Variants in AP3B1 observed in about 807,000 individuals in gnomAD.
AP3B1 encodes the protein AP-3 complex subunit beta-1.
Under a neutral mutation model 132.5 loss-of-function variants are expected in AP3B1, and 61 were observed. That is an observed-to-expected ratio of 0.46 (90% CI 0.37 to 0.57). The LOEUF is 0.57. Among genes scored for constraint, AP3B1 ranks in the 20% least tolerant of loss-of-function variants. The pLI is 0.00. For missense variants in AP3B1, 1,120 were observed against 1,289.4 expected (o/e 0.87, Z 2.01); for synonymous variants, 388 against 438.3 (o/e 0.89, Z 1.43).
chr5:78,100,848 A>G lies in AP3B1; in HGVS notation c.2470+105T>C. ...TGCCTTATTCATCTATAAGTCTTTCACAATAAATATTGATATATTTTGGGA... is the reference window on the plus strand; with the variant it reads ...TGCCTTATTCATCTATAAGTCTTTCGCAATAAATATTGATATATTTTGGGA... On this transcript the variant is annotated intron_variant, in intron 21 of 26. Coordinates refer to ENST00000255194, the MANE Select transcript of AP3B1 (RefSeq NM_003664.5). 5.8e-6 allele frequency: 4 copies of G among 688,386 alleles called. No homozygotes were observed. The South Asian group carries it at 6.2e-5, about 11-fold the overall frequency. The allele number at this position is 688,386 out of a possible 1,614,324, so 42.6% of individuals were successfully genotyped here.
At chr5:78,029,940 T>A (rs937604733) in intron 24 of AP3B1, among the ~76,000 whole-genome samples, 4 of 152,358 alleles carry the variant, frequency 2.6e-5, no homozygotes, top group Admixed American at 1.3e-4. Flanking sequence ...CGATCAATTC[T>A]CTTCTCAGAC....
chr5:78,105,764 A>C (rs1751307031), intron 20 of AP3B1, among the ~76,000 whole-genome samples: 1 of 152,232 alleles, frequency 6.6e-6, no homozygotes, highest in African/African-American at 2.4e-5. Context: ...TAACTAAAAC[A>C]AGGAAATTTT....
intron 1 of AP3B1, among the ~76,000 whole-genome samples, chr5:78,286,885 C>G (rs114886940): frequency 0.015 from 2,296 of 152,274 alleles, 65 homozygotes; most frequent in African/African-American, 0.053. Flanking sequence ...CAACGTTATT[C>G]ATAATAATAT....
At chr5:78,216,592 T>G (rs1208632991) in intron 6 of AP3B1, among the ~76,000 whole-genome samples, 1 of 152,188 alleles carries the variant, frequency 6.6e-6, no homozygotes, top group African/African-American at 2.4e-5. Context: ...TTCAGTACTT[T>G]GTTCATAATA....
intron 2 of AP3B1, among the ~76,000 whole-genome samples, chr5:78,244,993 CA>C (rs570011047): frequency 2.1e-5 from 3 of 141,802 alleles, no homozygotes; most frequent in East Asian, 2.0e-4. Flanking sequence ...GACTCTGTCT[CA>C]AAAAAAAAAC....
At chr5:78,003,900 T>C (rs1746285243) in intron 26 of AP3B1, among the ~76,000 whole-genome samples, 1 of 152,192 alleles carries the variant, frequency 6.6e-6, no homozygotes, top group South Asian at 2.1e-4. Flanking sequence ...GCATGCACAG[T>C]TGAGCCTCAG....
At chr5:78,106,176 G>A (rs1751325054) in intron 20 of AP3B1, among the ~76,000 whole-genome samples, 1 of 152,202 alleles carries the variant, frequency 6.6e-6, no homozygotes, top group Admixed American at 6.5e-5. Context: ...TAGTGTGTGT[G>A]GCTGGGCACG....
At chr5:78,111,650 G>A (rs1751596106) in intron 19 of AP3B1, among the ~76,000 whole-genome samples, 1 of 152,124 alleles carries the variant, frequency 6.6e-6, no homozygotes, top group Non-Finnish European at 1.5e-5. Context: ...TAACATGTGA[G>A]ATGACCAAAC....
At chr5:78,113,698 G>C in intron 19 of AP3B1, 54 bp downstream of exon 19, 2 of 1,594,510 alleles carry the variant, frequency 1.3e-6, no homozygotes, top group Admixed American at 3.3e-5. Context: ...ATCTCTGCCT[G>C]GGGCAAACTT....
intron 7 of AP3B1, among the ~76,000 whole-genome samples, chr5:78,184,699 A>T: frequency 6.6e-6 from 1 of 151,928 alleles, no homozygotes; most frequent in East Asian, 1.9e-4. Flanking sequence ...AAAAAAAAAA[A>T]CAGAGTCTCA....
intron 24 of AP3B1, among the ~76,000 whole-genome samples, chr5:78,033,634 T>C (rs1299057404): frequency 1.3e-5 from 2 of 152,000 alleles, no homozygotes; most frequent in East Asian, 1.9e-4. Flanking sequence ...AAATAGCCAA[T>C]TGGGCCTTAT....
At chr5:78,041,983 G>A in intron 22 of AP3B1, 1 of 197,260 alleles carries the variant, frequency 5.1e-6, no homozygotes, top group Non-Finnish European at 1.1e-5. Context: ...AGTGGGCTTG[G>A]CTGTATATAC....
At chr5:78,118,568 G>C (rs1401612083) in intron 17 of AP3B1, among the ~76,000 whole-genome samples, 1 of 152,192 alleles carries the variant, frequency 6.6e-6, no homozygotes, top group Non-Finnish European at 1.5e-5. Context: ...ACGGAGTCTT[G>C]CTGATTGCTA....
intron 7 of AP3B1, among the ~76,000 whole-genome samples, chr5:78,189,176 G>A (rs939149526): frequency 2.0e-5 from 3 of 151,914 alleles, no homozygotes; most frequent in Non-Finnish European, 2.9e-5. Context: ...CATGGCACAC[G>A]TTTACCTATG....
At chr5:78,170,268 A>T (rs1481213601) in intron 11 of AP3B1, among the ~76,000 whole-genome samples, 3 of 152,214 alleles carry the variant, frequency 2.0e-5, no homozygotes, top group Admixed American at 2.0e-4. Context: ...TTGGGTATAT[A>T]CTCAGTAATG....
At chr5:78,087,999 C>T (rs1750338573) in intron 22 of AP3B1, among the ~76,000 whole-genome samples, 1 of 152,192 alleles carries the variant, frequency 6.6e-6, no homozygotes, top group Non-Finnish European at 1.5e-5. Context: ...AATTTGCCCA[C>T]AGTCACATAG....
At chr5:78,058,283 C>T (rs921873625) in intron 22 of AP3B1, among the ~76,000 whole-genome samples, 6 of 152,168 alleles carry the variant, frequency 3.9e-5, no homozygotes, top group East Asian at 1.9e-4. Flanking sequence ...GGGCAGATCG[C>T]GAGGTCAGCA....
chr5:78,030,796 T>TCTCCCACATC (rs1274923358), intron 24 of AP3B1, among the ~76,000 whole-genome samples: 1 of 152,058 alleles, frequency 6.6e-6, no homozygotes, highest in Non-Finnish European at 1.5e-5. Flanking sequence ...CCCACTTCAG[T>TCTCCCACATC]CTCCCAAGTG....
chr5:78,181,108 A>G (rs191466140), intron 8 of AP3B1, among the ~76,000 whole-genome samples: 2 of 152,222 alleles, frequency 1.3e-5, no homozygotes, highest in Admixed American at 1.3e-4. Flanking sequence ...TCACAATGGA[A>G]TAACTGATAA....
Sources: allele counts gnomAD v4.1 joint callset (sites outside exome capture counted in the v4.1 genomes callset), GRCh38; gene constraint gnomAD v4.1.1; transcripts MANE v1.5; gene names NCBI Gene and HGNC (gene_info 2026-07-23, HGNC 2026-07-21).